MUSK: variants seen among roughly 807,000 people sequenced by gnomAD.
MUSK encodes the protein muscle associated receptor tyrosine kinase.
MUSK carries 55 observed loss-of-function variants against 88.7 expected under a neutral mutation model. The ratio of observed to expected loss-of-function variants is 0.62; its 90% confidence interval spans 0.50 to 0.78. The LOEUF is 0.78. Ranked by LOEUF, MUSK falls within the 30% of genes least tolerant of loss-of-function variation. The probability of loss-of-function intolerance (pLI) is 0.00; values close to 1 mark genes in which losing one functional copy is unlikely to be tolerated. For synonymous variants in MUSK, 387 were observed against 391.9 expected, an observed-to-expected ratio of 0.99 and a Z score of 0.15; for missense variants, 1,015 against 1,074.3, an observed-to-expected ratio of 0.94 and a Z score of 0.77.
chr9:110,715,390 A>C (rs931784615), intron 5 of MUSK, among the ~76,000 whole-genome samples: 3 of 149,562 alleles, frequency 2.0e-5, no homozygotes, highest in African/African-American at 5.1e-5. Context: ...ACTCAGAAAA[A>C]ACAGCTAGTG....
chr9:110,688,413 G>A (rs960345012), intron 3 of MUSK, among the ~76,000 whole-genome samples: 3 of 151,804 alleles, frequency 2.0e-5, no homozygotes, highest in African/African-American at 4.8e-5. Flanking sequence ...GTATGTAGTC[G>A]TTAAGGTAAG....
intron 3 of MUSK, among the ~76,000 whole-genome samples, chr9:110,690,072 A>G (rs2076303735): frequency 1.0e-5 from 1 of 96,406 alleles, no homozygotes; most frequent in South Asian, 3.4e-4. Context: ...TTATGTAAGT[A>G]TAAATATATA....
At chr9:110,722,899 T>C (rs1003885339) in intron 5 of MUSK, among the ~76,000 whole-genome samples, 1 of 152,082 alleles carries the variant, frequency 6.6e-6, no homozygotes, top group Non-Finnish European at 1.5e-5. Flanking sequence ...GCATGGGATG[T>C]GGTGAAAAGG....
chr9:110,785,762 T>G (rs1317394445), intron 13 of MUSK, 44 bp downstream of exon 13: 1 of 1,495,776 alleles, frequency 6.7e-7, no homozygotes, highest in Non-Finnish European at 9.0e-7. Flanking sequence ...AAATATGTTA[T>G]GTCTGAAAAG....
At chr9:110,755,951 C>CATATAACATATATATATATAT in intron 7 of MUSK, among the ~76,000 whole-genome samples, 1 of 101,784 alleles carries the variant, frequency 9.8e-6, no homozygotes, top group South Asian at 3.3e-4. Flanking sequence ...TATATATATA[C>CATATAACATATATATATATAT]ACATATATAT....
intron 5 of MUSK, among the ~76,000 whole-genome samples, chr9:110,718,666 A>G (rs1256932842): frequency 1.3e-5 from 2 of 152,130 alleles, no homozygotes; most frequent in Admixed American, 1.3e-4. Context: ...TATTTGAGGA[A>G]ATAATCAAGG....
At chr9:110,702,914 A>T (rs953293225) in intron 5 of MUSK, among the ~76,000 whole-genome samples, 10 of 151,996 alleles carry the variant, frequency 6.6e-5, no homozygotes, top group African/African-American at 2.2e-4. Flanking sequence ...ATAATAATAA[A>T]AAACCTACAT....
At chr9:110,785,784 T>C in intron 13 of MUSK, 66 bp downstream of exon 13, 1 of 1,141,516 alleles carries the variant, frequency 8.8e-7, no homozygotes, top group Non-Finnish European at 1.2e-6. Context: ...TACCAAACTA[T>C]TAGCTTGGTA....
chr9:110,706,215 A>G, intron 5 of MUSK: 1 of 393,050 alleles, frequency 2.5e-6, no homozygotes, highest in South Asian at 1.9e-5. Flanking sequence ...AGCTTTCTTT[A>G]TTTTTAACTA....
chr9:110,671,499 C>A (rs537451671), intron 1 of MUSK, among the ~76,000 whole-genome samples: 21 of 152,268 alleles, frequency 1.4e-4, no homozygotes, highest in African/African-American at 4.8e-4. Flanking sequence ...GGATTATTTT[C>A]TGACTTTCTG....
intron 8 of MUSK, among the ~76,000 whole-genome samples, chr9:110,763,327 A>G (rs1259877815): frequency 1.3e-5 from 2 of 152,184 alleles, no homozygotes; most frequent in African/African-American, 2.4e-5. Flanking sequence ...TTCTGAGTCC[A>G]TTTTTTAATC....
At chr9:110,727,620 G>T (rs1309634538) in intron 5 of MUSK, 10 of 208,736 alleles carry the variant, frequency 4.8e-5, no homozygotes. Context: ...CATGGTCCTT[G>T]GCACCCATGA....
intron 5 of MUSK, chr9:110,706,273 T>C (rs971383362): frequency 2.2e-5 from 7 of 324,528 alleles, no homozygotes; most frequent in African/African-American, 6.6e-5. Context: ...CTCACAGAAA[T>C]GAAAGCATTA....
chr9:110,681,067 A>AT (rs1252500710), intron 1 of MUSK, among the ~76,000 whole-genome samples: 5 of 13,086 alleles, frequency 3.8e-4, no homozygotes, highest in African/African-American at 9.2e-4. Context: ...TTATATATAT[A>AT]ATATTATATA....
At chr9:110,727,557 A>G (rs1392145228) in intron 5 of MUSK, 1 of 182,464 alleles carries the variant, frequency 5.5e-6, no homozygotes, top group Non-Finnish European at 1.2e-5. Context: ...TAAATTGGCC[A>G]TTAAACCTGC....
At chr9:110,746,969 T>C (rs962029064) in intron 6 of MUSK, among the ~76,000 whole-genome samples, 6 of 152,204 alleles carry the variant, frequency 3.9e-5, no homozygotes. Flanking sequence ...CTGTCATCTG[T>C]AGGACACTGA....
intron 5 of MUSK, among the ~76,000 whole-genome samples, chr9:110,701,652 ATTTATTTTATT>A (rs1300492658): frequency 0.011 from 114 of 10,796 alleles, 42 homozygotes; most frequent in African/African-American, 0.022. Context: ...GTGCTCAGCT[ATTTATTTTATT>A]TATTTTATTT....
At chr9:110,701,293 G>GT (rs2076497176) in intron 5 of MUSK, among the ~76,000 whole-genome samples, 2 of 152,128 alleles carry the variant, frequency 1.3e-5, no homozygotes, top group South Asian at 2.1e-4. Flanking sequence ...CTGTACAGGT[G>GT]TAAGTTCAGA....
Position 110,784,931 on chromosome 9 carries a change from A to G in MUSK, c.1501A>G (p.Met501Val). Residue 501 changes from methionine (M) to valine (V), a missense_variant, in exon 12 of 15, where the codon ATG becomes GTG. Physicochemically the swap from Met to Val is conservative, Grantham distance 21. Transcript: ENST00000374448. The stretch of plus-strand genomic sequence containing the variant: ...CTCCATGACTGTAATAATCTCCATC[A>G]TGTCCAGCTTTGCAATATTTGTGCT... ...TYSMTVIISI[M>V]SSFAIFVLLT... 1 of 1,613,868 alleles carries G rather than the reference A, an allele frequency of 6.2e-7. No homozygotes were observed. The highest frequency in any genetic ancestry group is 1.1e-5 in the South Asian group (1 of 91,084).
Sources: allele counts gnomAD v4.1 joint callset (sites outside exome capture counted in the v4.1 genomes callset), GRCh38; gene constraint gnomAD v4.1.1; transcripts MANE v1.5; gene names NCBI Gene and HGNC (gene_info 2026-07-23, HGNC 2026-07-21).